Variants in DDAH1 observed in about 807,000 individuals in gnomAD.
DDAH1 encodes the protein N(G),N(G)-dimethylarginine dimethylaminohydrolase 1.
Under a neutral mutation model 28.8 loss-of-function variants are expected in DDAH1, and 19 were observed. The observed-to-expected ratio is 0.66, with a 90% confidence interval of 0.46 to 0.97. The LOEUF is 0.97. Among genes scored for constraint, DDAH1 ranks in the 50% least tolerant of loss-of-function variants. The probability of loss-of-function intolerance (pLI) is 0.00; values close to 1 mark genes in which losing one functional copy is unlikely to be tolerated. For synonymous variants in DDAH1, 153 were observed against 154.4 expected (o/e 0.99, Z 0.07); for missense variants, 326 against 375.9 (o/e 0.87, Z 1.10).
intron 1 of DDAH1, among the ~76,000 whole-genome samples, chr1:85,366,749 A>G (rs566318550): frequency 1.3e-5 from 2 of 152,324 alleles, no homozygotes; most frequent in South Asian, 4.1e-4. Flanking sequence ...AAGTGGATTA[A>G]AAAAACTCCA....
chr1:85,400,984 A>G (rs1162702304), intron 1 of DDAH1, among the ~76,000 whole-genome samples: 1 of 152,198 alleles, frequency 6.6e-6, no homozygotes, highest in Admixed American at 6.5e-5. Flanking sequence ...AAGCAGAGAG[A>G]TATGATCCAT....
At chr1:85,469,878 C>G (rs1227681991), upstream of DDAH1, among the ~76,000 whole-genome samples, 1 of 152,152 alleles carries the variant, frequency 6.6e-6, no homozygotes, top group Non-Finnish European at 1.5e-5. Context: ...CATTTCAAGA[C>G]CTTTATAAGC....
intron 1 of DDAH1, among the ~76,000 whole-genome samples, chr1:85,383,334 G>C (rs1484682219): frequency 6.6e-6 from 1 of 152,166 alleles, no homozygotes; most frequent in East Asian, 1.9e-4. Flanking sequence ...GAAATAGCAA[G>C]AGAACTAGAA....
At chr1:85,558,320 C>T (rs556755363) in intron 1 of DDAH1, among the ~76,000 whole-genome samples, 10 of 152,346 alleles carry the variant, frequency 6.6e-5, no homozygotes, top group East Asian at 1.9e-4. Context: ...CAAGATCGCA[C>T]GACTGCACTC....
intron 2 of DDAH1, among the ~76,000 whole-genome samples, chr1:85,475,400 T>C (rs1005167961): frequency 2.0e-5 from 3 of 152,186 alleles, no homozygotes; most frequent in African/African-American, 7.2e-5. Flanking sequence ...CAAAGGTTAC[T>C]CCCTTTCCTC....
chr1:85,346,653 T>C (rs1648865206), intron 4 of DDAH1, among the ~76,000 whole-genome samples: 1 of 152,166 alleles, frequency 6.6e-6, no homozygotes, highest in South Asian at 2.1e-4. Flanking sequence ...CAATACCACT[T>C]TTATCACTTA....
chr1:85,416,964 C>G (rs958614676), intron 1 of DDAH1, among the ~76,000 whole-genome samples: 3 of 152,092 alleles, frequency 2.0e-5, no homozygotes, highest in Admixed American at 6.5e-5. Flanking sequence ...CACTACTGCA[C>G]CTGGATGAAC....
At chr1:85,453,343 T>C (rs1453825066) in intron 1 of DDAH1, among the ~76,000 whole-genome samples, 2 of 152,182 alleles carry the variant, frequency 1.3e-5, no homozygotes, top group Non-Finnish European at 2.9e-5. Flanking sequence ...GACATGGACA[T>C]GACAACTGCA....
At chr1:85,349,160 G>A (rs1649044026) in intron 4 of DDAH1, among the ~76,000 whole-genome samples, 1 of 152,158 alleles carries the variant, frequency 6.6e-6, no homozygotes, top group South Asian at 2.1e-4. Context: ...AGATGGAGCA[G>A]AACAAAAGAC....
chr1:85,404,499 C>T lies in DDAH1; in HGVS notation c.304-45652G>A. 2.0e-6 allele frequency: 3 copies of T among 1,488,660 alleles called. 1 individual carries two copies. The South Asian group carries it at 4.0e-5, about 20-fold the overall frequency. 92.2% of individuals were successfully genotyped at this position (1,488,660 alleles called of 1,614,324 possible). On this transcript the variant is annotated intron_variant, in intron 1 of 5. Coordinates refer to ENST00000284031, the MANE Select transcript of DDAH1 (RefSeq NM_012137.4). The stretch of plus-strand genomic sequence containing the variant: ...CCTGTGTTACTGAAGAACAGTCTGA[C>T]CCGGATTGAGCCATGGAGCAAATAA...
chr1:85,557,088 G>C (rs1342780189), intron 1 of DDAH1, among the ~76,000 whole-genome samples: 2 of 152,178 alleles, frequency 1.3e-5, no homozygotes, highest in Non-Finnish European at 2.9e-5. Context: ...TTGTACTCCA[G>C]CCTGGGTGAC....
At chr1:85,537,209 G>T (rs376649831) in intron 1 of DDAH1, among the ~76,000 whole-genome samples, 1 of 151,376 alleles carries the variant, frequency 6.6e-6, no homozygotes, top group Non-Finnish European at 1.5e-5. Flanking sequence ...TGACATGCAC[G>T]TGTAGTCCCA....
intron 1 of DDAH1, chr1:85,380,576 G>A (rs149585753): frequency 6.6e-6 from 1 of 152,194 alleles, no homozygotes; most frequent in African/African-American, 2.4e-5. Flanking sequence ...GTAAGGATTT[G>A]TAAGGATCAG....
At chr1:85,483,089 C>CA (rs1656066384) in intron 2 of DDAH1, among the ~76,000 whole-genome samples, 1 of 150,912 alleles carries the variant, frequency 6.6e-6, no homozygotes, top group Non-Finnish European at 1.5e-5. Flanking sequence ...TGGCACATGC[C>CA]TATAGTCCCA....
chr1:85,504,686 A>C (rs994430420), intron 1 of DDAH1, among the ~76,000 whole-genome samples: 1 of 152,132 alleles, frequency 6.6e-6, no homozygotes. Flanking sequence ...AGATGAAAAA[A>C]TCACAGCTTA....
At chr1:85,345,763 G>A (rs898673308) in intron 4 of DDAH1, among the ~76,000 whole-genome samples, 1 of 152,302 alleles carries the variant, frequency 6.6e-6, no homozygotes, top group Admixed American at 6.5e-5. Context: ...TACTCAGGAG[G>A]CTGAGGCAGG....
At chr1:85,391,519 G>A (rs78550856) in intron 1 of DDAH1, among the ~76,000 whole-genome samples, 2,611 of 152,246 alleles carry the variant, frequency 0.017, 72 homozygotes, top group East Asian at 0.12. Context: ...GGTCTTCACT[G>A]AAACTTATAA....
intron 1 of DDAH1, among the ~76,000 whole-genome samples, chr1:85,436,391 G>A (rs1432812091): frequency 6.6e-6 from 1 of 152,064 alleles, no homozygotes; most frequent in Non-Finnish European, 1.5e-5. Context: ...AAGACAAAGA[G>A]AACATGGGCA....
intron 1 of DDAH1, among the ~76,000 whole-genome samples, chr1:85,438,611 C>T (rs1654047176): frequency 6.6e-6 from 1 of 152,132 alleles, no homozygotes; most frequent in African/African-American, 2.4e-5. Flanking sequence ...CCAGCTGACA[C>T]CAAGCAAAGC....
Sources: gnomAD v4.1 joint callset for allele counts (sites outside exome capture counted in the v4.1 genomes callset) on GRCh38, gnomAD v4.1.1 for gene constraint, MANE v1.5 for transcripts, NCBI Gene and HGNC (gene_info 2026-07-23, HGNC 2026-07-21) for gene names.